Variants in INPP4A observed in about 807,000 individuals in gnomAD.
INPP4A encodes the protein inositol polyphosphate-4-phosphatase type I A, also known as inositol polyphosphate-4-phosphatase, type I, 107kD.
In INPP4A, 33 loss-of-function variants were observed where a neutral mutation model predicts 119.8. That is an observed-to-expected ratio of 0.28 (90% CI 0.21 to 0.37). The LOEUF (loss-of-function observed/expected upper bound fraction) is 0.37. INPP4A is among the 10% of genes least tolerant of loss of function. INPP4A has a pLI of 1.00. For synonymous variants in INPP4A, 496 were observed against 500.7 expected, an observed-to-expected ratio of 0.99 and a Z score of 0.12; for missense variants, 956 against 1,289.9, an observed-to-expected ratio of 0.74 and a Z score of 3.97.
At chr2:98,531,726 C>A (rs540122322) in intron 4 of INPP4A, among the ~76,000 whole-genome samples, 2 of 152,290 alleles carry the variant, frequency 1.3e-5, no homozygotes, top group South Asian at 4.1e-4. Context: ...ACTTAGAGAA[C>A]ATTTCCTTCA....
intron 8 of INPP4A, among the ~76,000 whole-genome samples, chr2:98,538,577 A>G (rs769759501): frequency 6.6e-6 from 1 of 152,236 alleles, no homozygotes; most frequent in Non-Finnish European, 1.5e-5. Flanking sequence ...AAATAAGCCC[A>G]GAATGTTAGT....
intron 1 of INPP4A, among the ~76,000 whole-genome samples, chr2:98,459,108 C>G (rs781028591): frequency 1.3e-5 from 2 of 152,242 alleles, no homozygotes; most frequent in Non-Finnish European, 2.9e-5. Flanking sequence ...AGAGCTTTGT[C>G]CTTCGGAAAT....
chr2:98,581,751 A>G, intron 24 of INPP4A: 2 of 1,608,566 alleles, frequency 1.2e-6, no homozygotes, highest in Non-Finnish European at 1.7e-6. Context: ...ATTGCGTTGC[A>G]AATGAATATC....
chr2:98,475,648 G>A (rs906938829), intron 1 of INPP4A, among the ~76,000 whole-genome samples: 2 of 152,310 alleles, frequency 1.3e-5, no homozygotes, highest in African/African-American at 4.8e-5. Context: ...TACATTGCAT[G>A]ACCAACAATG....
chr2:98,546,147 AC>A lies in INPP4A; in HGVS notation c.1054+78del. ...CTCTGTGGGTACTTGGTCCCTGAGT[AC>A]CCCACATCTGCCCATTTCCCTGTGT... On this transcript the variant is annotated intron_variant, in intron 12 of 24. Coordinates refer to ENST00000409851, the MANE Select transcript of INPP4A (RefSeq NM_001134225.2). The surrounding 1 kb of genome is among the most constrained non-coding windows in gnomAD (Gnocchi z 4.2). 2.0e-6 allele frequency: 2 copies of A among 1,016,942 alleles called. No homozygotes were observed. Among genetic ancestry groups the A allele is most frequent in the Non-Finnish European group, 1.5e-6 (1 of 666,868 alleles). The allele number at this position is 1,016,942 out of a possible 1,614,324, so 63.0% of individuals were successfully genotyped here.
At chr2:98,461,196 C>T (rs917627709) in intron 1 of INPP4A, among the ~76,000 whole-genome samples, 1 of 152,166 alleles carries the variant, frequency 6.6e-6, no homozygotes, top group Admixed American at 6.5e-5. Flanking sequence ...TTCTGCCACA[C>T]CACCCTCCAT....
At position 98,566,048 on chromosome 2, in the gene INPP4A, G is replaced by A; in HGVS notation, c.2299G>A (p.Val767Ile). The A allele has an allele frequency of 2.5e-6, 4 of 1,606,350 alleles. No individual in the cohort carries two copies. Among genetic ancestry groups the A allele is most frequent in the Non-Finnish European group, 3.4e-6 (4 of 1,176,826 alleles). Reference sequence around the variant, plus strand: ...CTCCAGCGACGGGTTTAACGTGCGGGTCCCTCTGCCGGGCCCGCTGTTTGA... The same window carrying A: ...CTCCAGCGACGGGTTTAACGTGCGGATCCCTCTGCCGGGCCCGCTGTTTGA... ...TGNRDGFNVR[V>I]PLPGPLFDAL... Residue 767 changes from valine (V) to isoleucine (I), a missense_variant, in exon 21 of 25, where the codon GTC (valine) becomes ATC (isoleucine). By Grantham distance (29) the Val-to-Ile change is conservative. Transcript: ENST00000409851. This position sits in a 1 kb window ranked among gnomAD's most constrained non-coding sequence, Gnocchi z 4.2.
intron 13 of INPP4A, among the ~76,000 whole-genome samples, chr2:98,551,240 A>G (rs7349381): frequency 1.3e-5 from 2 of 152,352 alleles, no homozygotes; most frequent in South Asian, 2.1e-4. Context: ...ATAGGCCACC[A>G]TGCTTGGCTG....
At chr2:98,477,984 G>T (rs1677605775) in intron 1 of INPP4A, among the ~76,000 whole-genome samples, 1 of 152,186 alleles carries the variant, frequency 6.6e-6, no homozygotes, top group South Asian at 2.1e-4. Flanking sequence ...GTGGGAGGTG[G>T]ATTCAGTGCG....
At chr2:98,449,763 G>C (rs1036265786) in intron 1 of INPP4A, among the ~76,000 whole-genome samples, 1 of 152,218 alleles carries the variant, frequency 6.6e-6, no homozygotes, top group Non-Finnish European at 1.5e-5. Flanking sequence ...TCTGTGGCTT[G>C]CTTTTTAAAT....
chr2:98,561,590 T>C (rs1695483767), intron 17 of INPP4A, among the ~76,000 whole-genome samples: 1 of 152,254 alleles, frequency 6.6e-6, no homozygotes, highest in African/African-American at 2.4e-5. Flanking sequence ...ATTTTTTTCC[T>C]AATGTAGCGA....
At chr2:98,474,481 C>T (rs533192501) in intron 1 of INPP4A, among the ~76,000 whole-genome samples, 5 of 152,328 alleles carry the variant, frequency 3.3e-5, no homozygotes, top group African/African-American at 1.2e-4. Context: ...GATGAGCCCA[C>T]GCTGGCACCA....
At position 98,587,769 on chromosome 2, in the gene INPP4A, T is replaced by G; in HGVS notation, c.*161T>G. On this transcript the variant is annotated 3_prime_UTR_variant, in exon 25 of 25. Transcript: ENST00000409851. ...GAGTCTCTGGAGCATGTTTTTTGTTTTTTGGGTTTTTTTCCCCATTGGAAT... is the reference window on the plus strand; with the variant it reads ...GAGTCTCTGGAGCATGTTTTTTGTTGTTTGGGTTTTTTTCCCCATTGGAAT... 1 of 589,844 alleles carries G rather than the reference T, an allele frequency of 1.7e-6. No homozygotes were observed. The highest frequency in any genetic ancestry group is 2.8e-6 in the Non-Finnish European group (1 of 360,954). The allele number at this position is 589,844 out of a possible 1,614,324, so 36.5% of individuals were successfully genotyped here.
intron 13 of INPP4A, among the ~76,000 whole-genome samples, chr2:98,547,969 G>T (rs1437156418): frequency 6.6e-6 from 1 of 152,164 alleles, no homozygotes; most frequent in African/African-American, 2.4e-5. Flanking sequence ...AAGAGCTCTG[G>T]CATGTGCCAT....
In INPP4A at chr2:98,555,718, A is replaced by C; in HGVS notation, c.1732A>C (p.Ile578Leu). The C allele has an allele frequency of 6.2e-7, 1 of 1,611,042 alleles. No individual in the cohort carries two copies. The highest frequency in any genetic ancestry group is 8.5e-7 in the Non-Finnish European group (1 of 1,178,410). Reference sequence around the variant, plus strand: ...TAACCCGGACAGCCACGCCTACTGGATCAGACCAGAAGACCCCTTCTGTGA... The same window carrying C: ...TAACCCGGACAGCCACGCCTACTGGCTCAGACCAGAAGACCCCTTCTGTGA... ...KGNPDSHAYWIRPEDPFCDVP... is the reference protein window; with the variant it reads ...KGNPDSHAYWLRPEDPFCDVP... The change falls in exon 16 of 25, where the codon ATC (isoleucine) becomes CTC (leucine). Residue 578 changes from isoleucine to leucine, a missense_variant. Ile to Leu is a conservative substitution (Grantham distance 5). Around this residue, in one of 2 missense-constraint regions of INPP4A, gnomAD observed 652 missense variants for 797.9 expected, o/e 0.82. Coordinates refer to ENST00000409851, the MANE Select transcript of INPP4A (RefSeq NM_001134225.2).
intron 1 of INPP4A, among the ~76,000 whole-genome samples, chr2:98,514,012 A>G (rs573664718): frequency 2.1e-4 from 32 of 152,302 alleles, no homozygotes; most frequent in Non-Finnish European, 4.0e-4. Context: ...CCCTGGGTAG[A>G]TTCAGTTTCC....
intron 1 of INPP4A, among the ~76,000 whole-genome samples, chr2:98,463,941 G>T (rs907004355): frequency 1.3e-5 from 2 of 152,214 alleles, no homozygotes; most frequent in African/African-American, 4.8e-5. Context: ...TAGTCAGTTG[G>T]CTTAGGGTAC....
At chr2:98,510,647 C>T (rs1684943288) in intron 1 of INPP4A, among the ~76,000 whole-genome samples, 1 of 152,166 alleles carries the variant, frequency 6.6e-6, no homozygotes, top group Admixed American at 6.5e-5. Context: ...GAGGCCAGAG[C>T]CCTCAGGGTC....
intron 1 of INPP4A, among the ~76,000 whole-genome samples, chr2:98,448,841 T>A (rs955597959): frequency 6.6e-6 from 1 of 152,048 alleles, no homozygotes; most frequent in Non-Finnish European, 1.5e-5. Context: ...GTAGCTGGAC[T>A]ATAGGTGTGT....
Sources: allele counts gnomAD v4.1 joint callset (sites outside exome capture counted in the v4.1 genomes callset), GRCh38; gene constraint gnomAD v4.1.1; regional missense constraint gnomAD v4.1.1; non-coding constraint Gnocchi (gnomAD v3.1); transcripts MANE v1.5; gene names NCBI Gene and HGNC (gene_info 2026-07-23, HGNC 2026-07-21).